The following PIEZO2 variants were observed in gnomAD, a reference collection of about 807,000 sequenced individuals.
PIEZO2 encodes the protein piezo type mechanosensitive ion channel component 2.
Under a neutral mutation model 337.3 loss-of-function variants are expected in PIEZO2, and 172 were observed. The observed-to-expected ratio is 0.51, with a 90% CI of 0.45 to 0.58. The LOEUF (loss-of-function observed/expected upper bound fraction) is 0.58. Among genes scored for constraint, PIEZO2 ranks in the 20% least tolerant of loss-of-function variants. The pLI is 0.00. For missense variants in PIEZO2, 3,028 were observed against 3,391.3 expected (o/e 0.89, Z 2.66); for synonymous variants, 1,251 against 1,228.5 (o/e 1.02, Z -0.38).
intron 2 of PIEZO2, among the ~76,000 whole-genome samples, chr18:11,053,990 C>T (rs1165723982): frequency 6.6e-6 from 1 of 152,190 alleles, no homozygotes; most frequent in Non-Finnish European, 1.5e-5. Flanking sequence ...CATCACTGCA[C>T]TCCAGCCTGG....
intron 3 of PIEZO2, among the ~76,000 whole-genome samples, chr18:10,944,515 CAG>C (rs1216733953): frequency 6.6e-5 from 1 of 15,158 alleles, no homozygotes; most frequent in Non-Finnish European, 1.3e-4. Context: ...ATCTTAGTAA[CAG>C]ATATATATAT....
In PIEZO2 at chr18:10,859,621, ACAT is replaced by A. The variant is rs1412308329; in HGVS notation, c.493-2413_493-2411del. Among the ~76,000 whole-genome samples the A allele has an allele frequency of 1.3e-5, 2 of 152,204 alleles. No individual in the cohort carries two copies. Among genetic ancestry groups the A allele is most frequent in the East Asian group, 3.9e-4 (2 of 5,186 alleles). On this transcript the variant is annotated intron_variant, in intron 5 of 55. Transcript: ENST00000674853. The surrounding 1 kb of genome is among the most constrained non-coding windows in gnomAD (Gnocchi z 4.9). Reference sequence around the variant, plus strand: ...CCTTGCTGTCTCACCTTAAAGAAACACATCCTTTCAACCCACGTTTGTCTCTTA... The same window carrying A: ...CCTTGCTGTCTCACCTTAAAGAAACACCTTTCAACCCACGTTTGTCTCTTA...
At chr18:10,715,037 AAGGATT>A (rs1476486690) in intron 38 of PIEZO2, 107 bp from the exon 39 acceptor site, 1 of 1,156,280 alleles carries the variant, frequency 8.6e-7, no homozygotes, top group Non-Finnish European at 1.2e-6. Context: ...ATGCCTGGAT[AAGGATT>A]AGGACCATGC....
intron 7 of PIEZO2, 121 bp from the exon 8 acceptor site, chr18:10,807,395 G>A: frequency 2.3e-6 from 2 of 853,494 alleles, no homozygotes; most frequent in East Asian, 5.4e-5. Flanking sequence ...CCGTTCTATT[G>A]TAGATATTTC....
intron 35 of PIEZO2, among the ~76,000 whole-genome samples, chr18:10,733,971 A>C (rs2036893263): frequency 1.3e-5 from 2 of 152,202 alleles, no homozygotes; most frequent in Non-Finnish European, 2.9e-5. Context: ...TGTTTTACTA[A>C]CAACTTATGT....
In PIEZO2 at chr18:11,032,549, C is replaced by T. The variant is rs537437533; in HGVS notation, c.160+33578G>A. Reference sequence around the variant, plus strand: ...GGGTGGGAATTCTGACTACCCTGGTCATAAGAGCACAGGGGCAAACACAAC... The same window carrying T: ...GGGTGGGAATTCTGACTACCCTGGTTATAAGAGCACAGGGGCAAACACAAC... On this transcript the variant is annotated intron_variant, in intron 2 of 55. Coordinates refer to ENST00000674853, the MANE Select transcript of PIEZO2 (RefSeq NM_001378183.1). The surrounding 1 kb of genome is among the most constrained non-coding windows in gnomAD (Gnocchi z 4.9). 2.0e-5 allele frequency among the ~76,000 whole-genome samples: 3 copies of T among 152,298 alleles called. No homozygotes were observed. Among genetic ancestry groups the T allele is most frequent in the African/African-American group, 7.2e-5 (3 of 41,564 alleles).
At chr18:11,087,275 T>C (rs866539213) in intron 1 of PIEZO2, among the ~76,000 whole-genome samples, 2 of 152,138 alleles carry the variant, frequency 1.3e-5, no homozygotes, top group Non-Finnish European at 1.5e-5. Flanking sequence ...TGAAATTTAC[T>C]TACAGAGGCA....
In PIEZO2 at chr18:10,728,012, T is replaced by C. The variant is rs549861166; in HGVS notation, c.5029+3395A>G. ...TAAGAAGCCTGACATATAAATAGCA[T>C]GAATTGATAAGAACAAACAACCCGA... On this transcript the variant is annotated intron_variant, in intron 36 of 55. Coordinates refer to ENST00000674853, the MANE Select transcript of PIEZO2 (RefSeq NM_001378183.1). 4.4e-4 allele frequency: 66 copies of C among 150,050 alleles called. No homozygotes were observed. In the Middle Eastern group the frequency reaches 0.011, roughly 25 times the overall value. 9.3% of individuals were successfully genotyped at this position (150,050 alleles called of 1,614,324 possible).
At chr18:11,090,987 A>G (rs1234242979) in intron 1 of PIEZO2, among the ~76,000 whole-genome samples, 1 of 152,096 alleles carries the variant, frequency 6.6e-6, no homozygotes. Flanking sequence ...TTGCATAGAG[A>G]AGACCAATTT....
intron 2 of PIEZO2, among the ~76,000 whole-genome samples, chr18:10,995,465 C>T (rs2035287054): frequency 6.6e-6 from 1 of 152,076 alleles, no homozygotes; most frequent in Non-Finnish European, 1.5e-5. Flanking sequence ...TACAAAAGTT[C>T]TTTAGTTTCC....
chr18:10,991,687 C>A (rs950411061), intron 2 of PIEZO2, among the ~76,000 whole-genome samples: 10 of 152,140 alleles, frequency 6.6e-5, no homozygotes, highest in African/African-American at 2.2e-4. Flanking sequence ...CTGCAATAAT[C>A]TTACATGTGC....
chr18:10,953,506 A>C lies in PIEZO2; in HGVS notation c.286+26029T>G, dbSNP rs903827489. Among the ~76,000 whole-genome samples the C allele has an allele frequency of 2.0e-5, 3 of 152,146 alleles. No individual in the cohort carries two copies. Among genetic ancestry groups the C allele is most frequent in the African/African-American group, 7.2e-5 (3 of 41,416 alleles). On this transcript the variant is annotated intron_variant, in intron 3 of 55. Transcript: ENST00000674853. The surrounding 1 kb of genome is among the most constrained non-coding windows in gnomAD (Gnocchi z 5.2). ...TTGAAAAGTGTATTCTTTCTTCACA[A>C]AATTGAATTTGTATCTCTATGGAAA...
At chr18:11,039,082 A>G (rs1377303263) in intron 2 of PIEZO2, among the ~76,000 whole-genome samples, 17 of 152,364 alleles carry the variant, frequency 1.1e-4, no homozygotes, top group Non-Finnish European at 1.3e-4. Context: ...GGCTGAAAAT[A>G]AAACAAAAGG....
At chr18:11,103,317 C>A (rs957057544) in intron 1 of PIEZO2, among the ~76,000 whole-genome samples, 6 of 152,162 alleles carry the variant, frequency 3.9e-5, no homozygotes, top group African/African-American at 1.4e-4. Context: ...AACAGGTGAT[C>A]TGCTTGCCTT....
In PIEZO2 at chr18:10,857,131, C is replaced by T. The variant is rs773775388; in HGVS notation, c.573G>A (p.Glu191=). ...DFNGGDGVEG[E]LEESTKLKMF... ...TTTTTAACTTCGTGCTTTCTTCCAA[C>T]TCGCCTTCAACACCATCTCCTCCAT... is the stretch of plus-strand genomic sequence containing the variant. Residue 191 remains glutamate (E), a synonymous_variant, in exon 6 of 56, where the codon GAG becomes GAA. Coordinates refer to ENST00000674853, the MANE Select transcript of PIEZO2 (RefSeq NM_001378183.1). The T allele has an allele frequency of 9.1e-6, 14 of 1,537,744 alleles. No individual in the cohort carries two copies. Among genetic ancestry groups the T allele is most frequent in the South Asian group, 1.2e-5 (1 of 84,068 alleles).
In PIEZO2 at chr18:11,077,505, A is replaced by C. The variant is rs1200175486; in HGVS notation, c.65-11283T>G. ...AACATAGTGAGACCCCCATCTCCAC[A>C]CAAAAAAAGAAAAAACTAGCTGGGC... On this transcript the variant is annotated intron_variant, in intron 1 of 55. Transcript: ENST00000674853. This position sits in a 1 kb window ranked among gnomAD's most constrained non-coding sequence, Gnocchi z 4.8. 6.6e-6 allele frequency among the ~76,000 whole-genome samples: 1 copy of C among 152,150 alleles called. No individual in the cohort carries two copies. Among genetic ancestry groups the C allele is most frequent in the African/African-American group, 2.4e-5 (1 of 41,442 alleles).
intron 7 of PIEZO2, among the ~76,000 whole-genome samples, chr18:10,839,210 C>A (rs2041113813): frequency 6.6e-6 from 1 of 152,208 alleles, no homozygotes; most frequent in African/African-American, 2.4e-5. Flanking sequence ...GGCCTCAAAT[C>A]ATCCCACTGC....
chr18:10,873,603 A>G (rs1568151895), intron 4 of PIEZO2, among the ~76,000 whole-genome samples: 1 of 142,294 alleles, frequency 7.0e-6, no homozygotes, highest in African/African-American at 2.7e-5. Context: ...TTTATATATC[A>G]TCATACTAAT....
rs1255396346 is a variant in PIEZO2 at position 10,954,419 on chromosome 18, A to G, written c.286+25116T>C. 2.0e-5 allele frequency among the ~76,000 whole-genome samples: 3 copies of G among 152,244 alleles called. No individual in the cohort carries two copies. Among genetic ancestry groups the G allele is most frequent in the Non-Finnish European group, 2.9e-5 (2 of 68,040 alleles). ...CAAAGTATTTTTTGTATTATTGTAC[A>G]TAACATTTTGTTAAAAAAGCTATTT... On this transcript the variant is annotated intron_variant, in intron 3 of 55. Coordinates refer to ENST00000674853, the MANE Select transcript of PIEZO2 (RefSeq NM_001378183.1). This position sits in a 1 kb window ranked among gnomAD's most constrained non-coding sequence, Gnocchi z 4.2.
Sources: allele counts gnomAD v4.1 joint callset (sites outside exome capture counted in the v4.1 genomes callset), GRCh38; gene constraint gnomAD v4.1.1; non-coding constraint Gnocchi (gnomAD v3.1); transcripts MANE v1.5; gene names NCBI Gene and HGNC (gene_info 2026-07-23, HGNC 2026-07-21).